MINDY4: variants seen among roughly 807,000 people sequenced by gnomAD.
The protein encoded by MINDY4 is MINDY lysine 48 deubiquitinase 4.
MINDY4 carries 68 observed loss-of-function variants against 87.0 expected under a neutral mutation model. That is an observed-to-expected ratio of 0.78 (90% CI 0.64 to 0.96). The LOEUF is 0.96. MINDY4 is among the 40% of genes least tolerant of loss of function. The probability of loss-of-function intolerance (pLI) is 0.00; values close to 1 mark genes in which losing one functional copy is unlikely to be tolerated. For missense variants in MINDY4, 919 were observed against 928.2 expected, an observed-to-expected ratio of 0.99 and a Z score of 0.13; for synonymous variants, 379 against 363.2, an observed-to-expected ratio of 1.04 and a Z score of -0.50.
At chr7:30,804,959 G>T (rs11764705) in intron 5 of MINDY4, among the ~76,000 whole-genome samples, 59,711 of 151,964 alleles carry the variant, frequency 0.39, 12,384 homozygotes, top group African/African-American at 0.49. Context: ...GAGCCCAGGG[G>T]ATGTGTGAGT....
chr7:30,801,450 T>C (rs1354221711), intron 5 of MINDY4, among the ~76,000 whole-genome samples: 1 of 152,122 alleles, frequency 6.6e-6, no homozygotes, highest in Non-Finnish European at 1.5e-5. Flanking sequence ...GGGACCTCTC[T>C]TCTGTGGTGG....
At chr7:30,864,047 A>G (rs1789854135) in intron 13 of MINDY4, among the ~76,000 whole-genome samples, 1 of 152,192 alleles carries the variant, frequency 6.6e-6, no homozygotes, top group South Asian at 2.1e-4. Flanking sequence ...CAGGTCATTG[A>G]GGCCCTGAGA....
intron 9 of MINDY4, among the ~76,000 whole-genome samples, chr7:30,842,678 G>A (rs369432501): frequency 6.6e-6 from 1 of 152,294 alleles, no homozygotes; most frequent in East Asian, 1.9e-4. Context: ...GGTGCTAAGG[G>A]TTCATCTGGA....
At chr7:30,867,457 A>G (rs1789974785) in intron 13 of MINDY4, among the ~76,000 whole-genome samples, 1 of 152,206 alleles carries the variant, frequency 6.6e-6, no homozygotes, top group Non-Finnish European at 1.5e-5. Flanking sequence ...CATCTCATTC[A>G]GTTCTCACAG....
chr7:30,883,008 T>C lies in MINDY4; in HGVS notation c.2225+15T>C. 3.7e-6 allele frequency: 6 copies of C among 1,613,014 alleles called. No individual in the cohort carries two copies. The highest frequency in any genetic ancestry group is 2.5e-6 in the Non-Finnish European group (3 of 1,179,320). The stretch of plus-strand genomic sequence containing the variant: ...ATCAGAACCAAGTGAGTCAAGCCCC[T>C]CTCTGGCTTTGAGCCTCACCCTGAA... On this transcript the variant is annotated intron_variant, in intron 17 of 17. Coordinates refer to ENST00000265299, the MANE Select transcript of MINDY4 (RefSeq NM_032222.3).
intron 12 of MINDY4, among the ~76,000 whole-genome samples, chr7:30,855,324 G>A (rs2128572404): frequency 6.6e-6 from 1 of 152,370 alleles, no homozygotes; most frequent in East Asian, 1.9e-4. Context: ...GTACTAGGCA[G>A]TCTGAAGGAG....
At chr7:30,862,650 A>G (rs930562062) in intron 13 of MINDY4, among the ~76,000 whole-genome samples, 8 of 152,144 alleles carry the variant, frequency 5.3e-5, no homozygotes, top group African/African-American at 1.7e-4. Context: ...TTGGGTGCAA[A>G]TGTCACCCAC....
At chr7:30,798,892 T>C (rs1787570370) in intron 5 of MINDY4, among the ~76,000 whole-genome samples, 1 of 152,188 alleles carries the variant, frequency 6.6e-6, no homozygotes, top group Non-Finnish European at 1.5e-5. Flanking sequence ...AGTCCACACA[T>C]GTGAGCAGTG....
At chr7:30,784,611 C>A (rs190440676) in intron 3 of MINDY4, among the ~76,000 whole-genome samples, 1 of 152,242 alleles carries the variant, frequency 6.6e-6, no homozygotes. Flanking sequence ...ATACAAGCCC[C>A]GGCTGCTCCC....
rs1240833637 is a variant in MINDY4 at position 30,785,942 on chromosome 7, G to C, written c.613G>C (p.Gly205Arg). The change falls in exon 4 of 18, where the codon GGT becomes CGT. Residue 205 changes from glycine to arginine, a missense_variant. Gly to Arg is a moderately radical substitution (Grantham distance 125). Coordinates refer to ENST00000265299, the MANE Select transcript of MINDY4 (RefSeq NM_032222.3). Reference protein sequence around the residue: ...RMGENSRPKSGLIVRGMMSGP... With the variant: ...RMGENSRPKSRLIVRGMMSGP... Reference sequence around the variant, plus strand: ...GGGAGAGAATTCCAGGCCAAAGTCTGGTCTGATTGTGCGAGGCATGATGTC... The same window carrying C: ...GGGAGAGAATTCCAGGCCAAAGTCTCGTCTGATTGTGCGAGGCATGATGTC... 1.2e-6 allele frequency: 2 copies of C among 1,614,098 alleles called. No homozygotes were observed. Among genetic ancestry groups the C allele is most frequent in the African/African-American group, 2.7e-5 (2 of 74,936 alleles).
intron 13 of MINDY4, among the ~76,000 whole-genome samples, chr7:30,864,249 G>A (rs532168241): frequency 3.9e-5 from 6 of 152,378 alleles, no homozygotes; most frequent in Admixed American, 2.6e-4. Flanking sequence ...CCCACGCCAT[G>A]TCACTCTGTG....
intron 5 of MINDY4, among the ~76,000 whole-genome samples, chr7:30,820,556 G>C (rs538484011): frequency 1.3e-5 from 2 of 151,990 alleles, no homozygotes; most frequent in Admixed American, 1.3e-4. Flanking sequence ...GGCAACTACC[G>C]ATCTGTGATA....
chr7:30,791,297 T>TC lies in MINDY4; in HGVS notation c.801dup (p.Ser268LeufsTer9), dbSNP rs779760592. 7 of 1,613,952 alleles carry TC rather than the reference T, an allele frequency of 4.3e-6. No homozygotes were observed. The highest frequency in any genetic ancestry group is 5.9e-6 in the Non-Finnish European group (7 of 1,179,984). ...GGACATTCTGGCTTCGAGCAACAGCTCCCCCTCCAGGACCTCCCTGGGTCA... is the reference window on the plus strand; with the variant it reads ...GGACATTCTGGCTTCGAGCAACAGCTCCCCCCTCCAGGACCTCCCTGGGTCA... On this transcript the variant is annotated frameshift_variant, in exon 5 of 18. Coordinates refer to ENST00000265299, the MANE Select transcript of MINDY4 (RefSeq NM_032222.3). LOFTEE classifies it high-confidence loss of function.
chr7:30,849,944 C>G (rs1363145112), intron 9 of MINDY4, among the ~76,000 whole-genome samples: 2 of 152,256 alleles, frequency 1.3e-5, no homozygotes, highest in Non-Finnish European at 2.9e-5. Flanking sequence ...ATCCCCCACT[C>G]TCTGTGTCTA....
intron 5 of MINDY4, among the ~76,000 whole-genome samples, chr7:30,811,745 C>T (rs1243038981): frequency 6.6e-6 from 1 of 152,146 alleles, no homozygotes; most frequent in Non-Finnish European, 1.5e-5. Flanking sequence ...TGTTCTGTTC[C>T]GTTCTAATTA....
rs1790810875 is a variant in MINDY4, at chr7:30,892,182, G to A, written c.*177G>A. The A allele has an allele frequency of 7.9e-6, 5 of 634,996 alleles. No individual in the cohort carries two copies. Among genetic ancestry groups the A allele is most frequent in the Non-Finnish European group, 1.4e-5 (5 of 363,822 alleles). 39.3% of individuals were successfully genotyped at this position (634,996 alleles called of 1,614,324 possible). A position where few individuals can be genotyped will look rare whatever the true frequency, so the allele number is the denominator to read the frequency against. On this transcript the variant is annotated 3_prime_UTR_variant, in exon 18 of 18. Coordinates refer to ENST00000265299, the MANE Select transcript of MINDY4 (RefSeq NM_032222.3). The stretch of plus-strand genomic sequence containing the variant: ...TGAAGGGCCCACCCAAGACTGTGCT[G>A]GGGACCCAGTGTGTTGCTGGGTCCC...
At chr7:30,883,331 A>G (rs1562566511) in intron 17 of MINDY4, among the ~76,000 whole-genome samples, 1 of 152,316 alleles carries the variant, frequency 6.6e-6, no homozygotes, top group African/African-American at 2.4e-5. Flanking sequence ...AGGAGGCAGG[A>G]CAGGGGTGCT....
chr7:30,800,019 G>A (rs911158194), intron 5 of MINDY4, among the ~76,000 whole-genome samples: 2 of 152,144 alleles, frequency 1.3e-5, no homozygotes, highest in Non-Finnish European at 2.9e-5. Flanking sequence ...GGAGTGGGGC[G>A]GGCAGTGTGC....
chr7:30,773,412 A>G (rs1584219214), intron 1 of MINDY4, among the ~76,000 whole-genome samples: 1 of 152,272 alleles, frequency 6.6e-6, no homozygotes, highest in South Asian at 2.1e-4. Flanking sequence ...AAACCCCTCT[A>G]CTGGCTTCCC....
Sources: gnomAD v4.1 joint callset for allele counts (sites outside exome capture counted in the v4.1 genomes callset) on GRCh38, gnomAD v4.1.1 for gene constraint, MANE v1.5 for transcripts, NCBI Gene and HGNC (gene_info 2026-07-23, HGNC 2026-07-21) for gene names.